INSL6: variants seen among roughly 807,000 people sequenced by gnomAD.
The protein encoded by INSL6 is insulin-like peptide INSL6.
Under a neutral mutation model 9.4 loss-of-function variants are expected in INSL6, and 16 were observed. The ratio of observed to expected loss-of-function variants is 1.70; its 90% CI spans 1.15 to 2.59. The LOEUF is 2.59. INSL6 is among the 30% of genes most tolerant of loss of function. INSL6 has a pLI of 0.00. For synonymous variants in INSL6, 154 were observed against 96.9 expected, an observed-to-expected ratio of 1.59 and a Z score of -3.46; for missense variants, 391 against 257.3, an observed-to-expected ratio of 1.52 and a Z score of -3.56.
the INSL6 span, among the ~76,000 whole-genome samples, chr9:5,058,755 C>T: frequency 5.9e-5 from 9 of 152,146 alleles, no homozygotes; most frequent in African/African-American, 2.2e-4. Flanking sequence ...AGTAGTATCT[C>T]ATTGTGATTT....
At chr9:5,016,255 A>G in the INSL6 span, among the ~76,000 whole-genome samples, 1 of 152,154 alleles carries the variant, frequency 6.6e-6, no homozygotes, top group Admixed American at 6.5e-5. Flanking sequence ...GACTGACTGG[A>G]TCTGCATCGT....
At chr9:5,080,235 A>C in the INSL6 span, 1 of 1,610,220 alleles carries the variant, frequency 6.2e-7, no homozygotes, top group Non-Finnish European at 8.5e-7. Context: ...AAAGTTCTTC[A>C]GGAGAGAATA....
chr9:5,086,142 C>G, the INSL6 span: 1 of 386,482 alleles, frequency 2.6e-6, no homozygotes, highest in Non-Finnish European at 4.3e-6. Flanking sequence ...CCGGCGGCCC[C>G]GCAAGGCTCG....
chr9:4,998,983 G>A, the INSL6 span, among the ~76,000 whole-genome samples: 9,252 of 150,684 alleles, frequency 0.061, 389 homozygotes, highest in Non-Finnish European at 0.098. Flanking sequence ...CACCACGCCC[G>A]GCTATTTTTT....
the INSL6 span, among the ~76,000 whole-genome samples, chr9:5,056,319 T>C: frequency 6.6e-6 from 1 of 152,110 alleles, no homozygotes. Flanking sequence ...TTAATGTAAA[T>C]AGGAGAAATG....
the INSL6 span, among the ~76,000 whole-genome samples, chr9:5,046,721 C>T: frequency 5.3e-5 from 8 of 152,134 alleles, no homozygotes; most frequent in Non-Finnish European, 1.0e-4. Context: ...CTTTTTTATA[C>T]AGCTCCTTTA....
At chr9:5,003,275 G>A in the INSL6 span, among the ~76,000 whole-genome samples, 3 of 151,976 alleles carry the variant, frequency 2.0e-5, no homozygotes, top group Non-Finnish European at 2.9e-5. Flanking sequence ...TTAATTGGAA[G>A]TGGGTTGAAT....
the INSL6 span, among the ~76,000 whole-genome samples, chr9:5,092,897 G>C: frequency 6.6e-6 from 1 of 152,106 alleles, no homozygotes; most frequent in African/African-American, 2.4e-5. Flanking sequence ...TCTAAAGAGG[G>C]ACAGCTCTTT....
the INSL6 span, among the ~76,000 whole-genome samples, chr9:5,039,652 A>C: frequency 0.25 from 38,021 of 152,008 alleles, 5,011 homozygotes; most frequent in South Asian, 0.31. Context: ...GCAGAATAGA[A>C]GATCAATATA....
At chr9:5,184,393 C>A (rs1204277229) in intron 1 of INSL6, among the ~76,000 whole-genome samples, 4 of 152,128 alleles carry the variant, frequency 2.6e-5, no homozygotes, top group Admixed American at 2.6e-4. Context: ...CATACTGGGA[C>A]TAAAATGTCT....
At chr9:5,111,358 ACCC>A in the INSL6 span, 22 of 408,534 alleles carry the variant, frequency 5.4e-5, no homozygotes, top group African/African-American at 4.2e-4. Context: ...TCCCGGTACT[ACCC>A]CTCCTACGCC....
the INSL6 span, among the ~76,000 whole-genome samples, chr9:5,044,822 C>G: frequency 7.2e-5 from 11 of 152,132 alleles, no homozygotes; most frequent in Admixed American, 1.3e-4. Context: ...CAACATGATT[C>G]ATGTAGACAT....
At chr9:4,992,701 T>G in the INSL6 span, among the ~76,000 whole-genome samples, 358 of 152,292 alleles carry the variant, frequency 2.4e-3, no homozygotes, top group Non-Finnish European at 2.9e-3. Context: ...TGGTTCTTCT[T>G]GAACTGAGGA....
At chr9:5,041,537 C>G in the INSL6 span, 1 of 537,236 alleles carries the variant, frequency 1.9e-6, no homozygotes, top group South Asian at 1.5e-5. Flanking sequence ...AAGTGCTCTG[C>G]GAGAACTTCC....
the INSL6 span, chr9:5,085,826 G>C: frequency 1.3e-6 from 1 of 760,516 alleles, no homozygotes; most frequent in African/African-American, 1.7e-5. Context: ...TTGATCGAAA[G>C]GCTTTTCCTT....
the INSL6 span, among the ~76,000 whole-genome samples, chr9:5,036,365 G>A: frequency 6.6e-6 from 1 of 152,094 alleles, no homozygotes. Flanking sequence ...TCACAGAATT[G>A]GAAAAAACTA....
At chr9:4,996,255 C>G in the INSL6 span, among the ~76,000 whole-genome samples, 1 of 152,098 alleles carries the variant, frequency 6.6e-6, no homozygotes, top group Non-Finnish European at 1.5e-5. Flanking sequence ...TCACCACCAG[C>G]CTGACTAACA....
the INSL6 span, among the ~76,000 whole-genome samples, chr9:5,005,006 T>G: frequency 7.1e-6 from 1 of 141,682 alleles, no homozygotes; most frequent in East Asian, 2.4e-4. Context: ...AGCCTTGACC[T>G]CCCAAGCGCA....
the INSL6 span, among the ~76,000 whole-genome samples, chr9:5,081,264 T>G: frequency 6.6e-6 from 1 of 151,988 alleles, no homozygotes; most frequent in East Asian, 1.9e-4. Flanking sequence ...ATAGTATTTT[T>G]TTTTTGCTTA....
Sources: gnomAD v4.1 joint callset for allele counts (sites outside exome capture counted in the v4.1 genomes callset) on GRCh38, gnomAD v4.1.1 for gene constraint, MANE v1.5 for transcripts, NCBI Gene and HGNC (gene_info 2026-07-23, HGNC 2026-07-21) for gene names.